Variants in DTNBP1 observed in about 807,000 individuals in gnomAD.
DTNBP1 encodes the protein dysbindin.
In DTNBP1, 35 loss-of-function variants were observed where a neutral mutation model predicts 42.8. The ratio of observed to expected loss-of-function variants is 0.82; its 90% CI spans 0.63 to 1.09. The LOEUF (loss-of-function observed/expected upper bound fraction) is 1.09, where lower values mean the gene tolerates loss of function less well. Among genes scored for constraint, DTNBP1 ranks in the 50% least tolerant of loss-of-function variants. DTNBP1 has a pLI of 0.00. For missense variants in DTNBP1, 457 were observed against 424.2 expected (o/e 1.08, Z -0.68); for synonymous variants, 171 against 162.2 (o/e 1.05, Z -0.41).
At chr6:15,642,365 G>A (rs1157217217) in intron 3 of DTNBP1, among the ~76,000 whole-genome samples, 2 of 152,198 alleles carry the variant, frequency 1.3e-5, no homozygotes, top group East Asian at 1.9e-4. Context: ...AGAATGAGGA[G>A]TGGGTGTACC....
intron 1 of DTNBP1, among the ~76,000 whole-genome samples, chr6:15,656,776 G>C (rs1161803897): frequency 2.0e-5 from 3 of 152,058 alleles, no homozygotes; most frequent in African/African-American, 7.2e-5. Flanking sequence ...AAAAGATGTA[G>C]ATAAACAGAA....
intron 7 of DTNBP1, among the ~76,000 whole-genome samples, chr6:15,554,834 T>G (rs1774418328): frequency 6.6e-6 from 1 of 152,140 alleles, no homozygotes; most frequent in South Asian, 2.1e-4. Flanking sequence ...AGAAAACCCT[T>G]GCTGTGCAGT....
At chr6:15,526,084 G>A (rs1187195252) in intron 8 of DTNBP1, among the ~76,000 whole-genome samples, 1 of 152,232 alleles carries the variant, frequency 6.6e-6, no homozygotes, top group Non-Finnish European at 1.5e-5. Context: ...CCAGAAGACT[G>A]CGGAGTAAGT....
At chr6:15,585,277 T>A (rs540243157) in intron 7 of DTNBP1, among the ~76,000 whole-genome samples, 3 of 151,642 alleles carry the variant, frequency 2.0e-5, no homozygotes, top group Middle Eastern at 3.4e-3. Flanking sequence ...ATGAACATAC[T>A]AGCAGCAAGG....
intron 6 of DTNBP1, among the ~76,000 whole-genome samples, chr6:15,595,943 T>C (rs576706038): frequency 6.6e-6 from 1 of 152,306 alleles, no homozygotes; most frequent in East Asian, 1.9e-4. Context: ...GAGAATAACA[T>C]GAGCAAAGCT....
intron 8 of DTNBP1, among the ~76,000 whole-genome samples, chr6:15,530,451 T>A (rs1005341681): frequency 6.6e-6 from 1 of 152,232 alleles, no homozygotes; most frequent in African/African-American, 2.4e-5. Context: ...TGAAACTTAA[T>A]CTTTGAGATA....
intron 7 of DTNBP1, among the ~76,000 whole-genome samples, chr6:15,566,914 C>T (rs1405364693): frequency 1.3e-5 from 2 of 152,118 alleles, no homozygotes; most frequent in Non-Finnish European, 2.9e-5. Context: ...TGGTGTTGAA[C>T]TCCTGACCTC....
chr6:15,628,702 C>T (rs1042098822), intron 4 of DTNBP1, among the ~76,000 whole-genome samples: 3 of 152,022 alleles, frequency 2.0e-5, no homozygotes, highest in African/African-American at 7.2e-5. Flanking sequence ...CCACTGTGCC[C>T]GGCCAGGATT....
intron 1 of DTNBP1, among the ~76,000 whole-genome samples, chr6:15,661,107 C>G (rs938653100): frequency 6.6e-6 from 1 of 152,240 alleles, no homozygotes; most frequent in African/African-American, 2.4e-5. Flanking sequence ...AAGCGTTTGA[C>G]AGTTTGTTAT....
intron 7 of DTNBP1, among the ~76,000 whole-genome samples, chr6:15,586,862 T>C (rs1776099629): frequency 6.6e-6 from 1 of 152,236 alleles, no homozygotes; most frequent in African/African-American, 2.4e-5. Flanking sequence ...TCTTGACATG[T>C]CCTTGAAATG....
chr6:15,643,028 G>A lies in DTNBP1; in HGVS notation c.162-5224C>T, dbSNP rs143371684. ...TACGTATTGCAACTAAACTCAACAA[G>A]ATCCAGGAAAAAAGTTGAAATCCAA... On this transcript the variant is annotated intron_variant, in intron 3 of 9. Coordinates refer to ENST00000344537, the MANE Select transcript of DTNBP1 (RefSeq NM_032122.5). 1.3e-4 allele frequency among the ~76,000 whole-genome samples: 20 copies of A among 152,184 alleles called. 1 individual carries two copies. The East Asian group carries it at 3.9e-3, about 29-fold the overall frequency.
At chr6:15,638,648 T>G (rs1442029326) in intron 3 of DTNBP1, among the ~76,000 whole-genome samples, 1 of 152,156 alleles carries the variant, frequency 6.6e-6, no homozygotes, top group Admixed American at 6.5e-5. Context: ...ACATCCTTAA[T>G]AAAGTGATCA....
intron 7 of DTNBP1, among the ~76,000 whole-genome samples, chr6:15,562,806 C>T (rs1008548952): frequency 6.6e-5 from 10 of 152,184 alleles, no homozygotes; most frequent in African/African-American, 2.2e-4. Context: ...TCTTAATCTG[C>T]GTAATTCTCC....
At chr6:15,612,365 A>G (rs769062943) in intron 6 of DTNBP1, among the ~76,000 whole-genome samples, 16 of 152,270 alleles carry the variant, frequency 1.1e-4, no homozygotes, top group Non-Finnish European at 1.5e-4. Flanking sequence ...GCAAAAAAAA[A>G]ATCATGTAAC....
At chr6:15,563,748 C>T (rs1774942892) in intron 7 of DTNBP1, among the ~76,000 whole-genome samples, 1 of 152,178 alleles carries the variant, frequency 6.6e-6, no homozygotes, top group African/African-American at 2.4e-5. Context: ...ACTCGGTCCA[C>T]TCCAAAACCT....
At chr6:15,602,295 G>A (rs1331069445) in intron 6 of DTNBP1, among the ~76,000 whole-genome samples, 3 of 152,180 alleles carry the variant, frequency 2.0e-5, no homozygotes, top group Non-Finnish European at 4.4e-5. Context: ...GAGAAGGGCT[G>A]CAGCAGAGAG....
At chr6:15,607,339 T>C (rs542902595) in intron 6 of DTNBP1, among the ~76,000 whole-genome samples, 2 of 152,230 alleles carry the variant, frequency 1.3e-5, no homozygotes, top group South Asian at 2.1e-4. Context: ...TCTCACTCTG[T>C]TGCCCAGACT....
At chr6:15,524,101 A>C in intron 9 of DTNBP1, 1 of 1,337,666 alleles carries the variant, frequency 7.5e-7, no homozygotes, top group Non-Finnish European at 9.8e-7. Flanking sequence ...AGCTGAACAC[A>C]CACCATGGCT....
intron 6 of DTNBP1, chr6:15,595,051 T>C (rs1776454237): frequency 6.6e-6 from 3 of 451,910 alleles, no homozygotes; most frequent in South Asian, 4.7e-5. Flanking sequence ...TCTGCTGCTG[T>C]GAAGAGGACA....
Sources: gnomAD v4.1 joint callset for allele counts (sites outside exome capture counted in the v4.1 genomes callset) on GRCh38, gnomAD v4.1.1 for gene constraint, MANE v1.5 for transcripts, NCBI Gene and HGNC (gene_info 2026-07-23, HGNC 2026-07-21) for gene names.